Variants in MYLIP observed in about 807,000 individuals in gnomAD.
MYLIP encodes the protein myosin regulatory light chain interacting protein, also known as E3 ubiquitin-protein ligase MYLIP.
MYLIP carries 26 observed loss-of-function variants against 45.8 expected under a neutral mutation model. The ratio of observed to expected loss-of-function variants is 0.57; its 90% CI spans 0.42 to 0.79. The LOEUF (loss-of-function observed/expected upper bound fraction) is 0.79. Ranked by LOEUF, MYLIP falls within the 30% of genes least tolerant of loss-of-function variation. MYLIP has a pLI of 0.00. For synonymous variants in MYLIP, 213 were observed against 218.1 expected (o/e 0.98, Z 0.21); for missense variants, 494 against 555.6 (o/e 0.89, Z 1.11).
In MYLIP at chr6:16,130,681, C is replaced by A; in HGVS notation, c.212C>A (p.Pro71His). 1 of 1,614,188 alleles carries A rather than the reference C, an allele frequency of 6.2e-7. No homozygotes were observed. Among genetic ancestry groups the A allele is most frequent in the Non-Finnish European group, 8.5e-7 (1 of 1,180,044 alleles). Residue 71 changes from proline (P) to histidine (H), a missense_variant, in exon 2 of 7, where the codon CCT becomes CAT. Physicochemically the swap from Pro to His is moderately conservative, Grantham distance 77. Transcript: ENST00000356840. ...TCCCAGCAGATGGATGGGCTAGCCCCTTACAGGCTTAAACTTAGAGTCAAG... is the reference window on the plus strand; with the variant it reads ...TCCCAGCAGATGGATGGGCTAGCCCATTACAGGCTTAAACTTAGAGTCAAG... ...RISQQMDGLA[P>H]YRLKLRVKFF...
chr6:16,152,165 T>C (rs955317945), downstream of MYLIP, among the ~76,000 whole-genome samples: 2 of 152,164 alleles, frequency 1.3e-5, no homozygotes, highest in African/African-American at 4.8e-5. Context: ...AGGACAGAAG[T>C]AGAGCCAGTT....
At chr6:16,144,153 G>A (rs1000219487) in intron 5 of MYLIP, among the ~76,000 whole-genome samples, 1 of 151,894 alleles carries the variant, frequency 6.6e-6, no homozygotes, top group Admixed American at 6.6e-5. Context: ...AGATTTCTAT[G>A]CCTATTTAAT....
intron 2 of MYLIP, 150 bp from the exon 3 acceptor site, chr6:16,141,475 T>C: frequency 1.5e-6 from 1 of 688,932 alleles, no homozygotes; most frequent in Non-Finnish European, 2.3e-6. Flanking sequence ...TTAATACTGA[T>C]GATTTTTTTT....
the MYLIP span, among the ~76,000 whole-genome samples, chr6:16,160,770 C>A: frequency 6.6e-6 from 1 of 152,160 alleles, no homozygotes; most frequent in South Asian, 2.1e-4. Flanking sequence ...CCACTGCACT[C>A]CAGTCTGGGC....
intron 2 of MYLIP, among the ~76,000 whole-genome samples, chr6:16,131,029 G>GAAA (rs11394742): frequency 8.7e-6 from 1 of 115,246 alleles, no homozygotes; most frequent in Non-Finnish European, 1.8e-5. Context: ...GCTACCCCAG[G>GAAA]AAAAAAAAAA....
At chr6:16,139,464 A>C (rs1581604765) in intron 2 of MYLIP, among the ~76,000 whole-genome samples, 1 of 152,204 alleles carries the variant, frequency 6.6e-6, no homozygotes, top group African/African-American at 2.4e-5. Context: ...ATATTCTTCA[A>C]GTCTTTCAGA....
At chr6:16,160,382 G>A in the MYLIP span, among the ~76,000 whole-genome samples, 9 of 152,108 alleles carry the variant, frequency 5.9e-5, no homozygotes, top group African/African-American at 1.9e-4. Flanking sequence ...CTCCTTTAGG[G>A]GAGGCTGAAC....
chr6:16,156,165 T>C, the MYLIP span, among the ~76,000 whole-genome samples: 1 of 152,154 alleles, frequency 6.6e-6, no homozygotes, highest in African/African-American at 2.4e-5. Flanking sequence ...CTGGGGTTTT[T>C]ATGGGCACAA....
chr6:16,141,492 T>C (rs1759671351), intron 2 of MYLIP, 133 bp from the exon 3 acceptor site: 2 of 790,898 alleles, frequency 2.5e-6, no homozygotes, highest in Non-Finnish European at 3.9e-6. Flanking sequence ...TTTTTGAAGT[T>C]CTTTAATGTT....
intron 2 of MYLIP, among the ~76,000 whole-genome samples, chr6:16,133,770 C>T (rs955158568): frequency 6.6e-5 from 10 of 152,170 alleles, no homozygotes; most frequent in Admixed American, 2.6e-4. Flanking sequence ...GACTTAGCCA[C>T]GTTTTAGCAG....
chr6:16,136,233 T>G (rs1327734360), intron 2 of MYLIP, among the ~76,000 whole-genome samples: 1 of 135,372 alleles, frequency 7.4e-6, no homozygotes, highest in Non-Finnish European at 1.6e-5. Flanking sequence ...ACCCCTCCCC[T>G]TCTTTCCCAC....
At chr6:16,154,764 C>T in the MYLIP span, among the ~76,000 whole-genome samples, 1 of 152,154 alleles carries the variant, frequency 6.6e-6, no homozygotes, top group Non-Finnish European at 1.5e-5. Context: ...TTTGATTGCA[C>T]CAGTCAGTCC....
At position 16,143,017 on chromosome 6, in the gene MYLIP, C is replaced by T. The variant is rs374523605; in HGVS notation, c.465-3C>T. 48 of 1,613,040 alleles carry T rather than the reference C, an allele frequency of 3.0e-5. No individual in the cohort carries two copies. In the African/African-American group the frequency reaches 5.5e-4, roughly 18 times the overall value. ...AATTCTCTGTCCTCTTGGTGTCCTC[C>T]AGCATTGTTGCAAAACATAAGGAGT... On this transcript the variant is annotated splice_polypyrimidine_tract_variant and splice_region_variant and intron_variant, in intron 3 of 6. Coordinates refer to ENST00000356840, the MANE Select transcript of MYLIP (RefSeq NM_013262.4).
At chr6:16,134,225 T>G (rs568388430) in intron 2 of MYLIP, among the ~76,000 whole-genome samples, 1 of 152,296 alleles carries the variant, frequency 6.6e-6, no homozygotes, top group African/African-American at 2.4e-5. Context: ...GTCTAATAAG[T>G]GTCTGTTGCA....
rs774377317 is a variant in MYLIP, at chr6:16,145,263, C to T, written c.1194C>T (p.Thr398=). ...MVCCEEEINS[T]FCPCGHTVCC... ...GCTGCGAGGAGGAGATCAACTCCAC[C>T]TTCTGTCCCTGTGGCCACACTGTGT... Residue 398 remains threonine (T), a synonymous_variant, in exon 6 of 7, where the codon ACC becomes ACT. Transcript: ENST00000356840. 5 of 1,611,556 alleles carry T rather than the reference C, an allele frequency of 3.1e-6. No homozygotes were observed. The East Asian group carries it at 6.7e-5, about 22-fold the overall frequency.
chr6:16,147,646 C>G lies in MYLIP; in HGVS notation c.*895C>G, dbSNP rs556503375. 3 of 152,392 alleles carry G rather than the reference C, an allele frequency of 2.0e-5. No homozygotes were observed. The East Asian group carries it at 5.8e-4, about 29-fold the overall frequency. The allele number at this position is 152,392 out of a possible 1,614,324, so 9.4% of individuals were successfully genotyped here. On this transcript the variant is annotated 3_prime_UTR_variant, in exon 7 of 7. Coordinates refer to ENST00000356840, the MANE Select transcript of MYLIP (RefSeq NM_013262.4). ...TAACTCATCACTTCTCCCAAGCACT[C>G]GATCCCAGCTTCACCCACTGGTGTT...
rs189481765 is a variant in MYLIP at position 16,143,140 on chromosome 6, C to T, written c.585C>T (p.Ser195=). The T allele has an allele frequency of 1.3e-5, 21 of 1,614,112 alleles. No homozygotes were observed. The highest frequency in any genetic ancestry group is 2.2e-5 in the East Asian group (1 of 44,880). The change falls in exon 4 of 7, where the codon AGC becomes AGT. Residue 195 remains serine (S), a synonymous_variant. Transcript: ENST00000356840. Reference sequence around the variant, plus strand: ...TAGAATGGCATTCTGTGCGGGATAGCGAAGGGCAGAAACTGCTCATTGGGG... The same window carrying T: ...TAGAATGGCATTCTGTGCGGGATAGTGAAGGGCAGAAACTGCTCATTGGGG... ...YGIEWHSVRD[S]EGQKLLIGVG... is the part of the protein sequence containing the mutation.
chr6:16,129,906 T>A lies in MYLIP; in HGVS notation c.87+497T>A, dbSNP rs947622944. On this transcript the variant is annotated intron_variant, in intron 1 of 6. Coordinates refer to ENST00000356840, the MANE Select transcript of MYLIP (RefSeq NM_013262.4). This position sits in a 1 kb window ranked among gnomAD's most constrained non-coding sequence, Gnocchi z 5.1. Reference sequence around the variant, plus strand: ...CAGGCTGCTGCTCTCAAATGCACCGTTCACCTGCATCTCCGGGTTTGCGGG... The same window carrying A: ...CAGGCTGCTGCTCTCAAATGCACCGATCACCTGCATCTCCGGGTTTGCGGG... 6.6e-6 allele frequency among the ~76,000 whole-genome samples: 1 copy of A among 152,226 alleles called. No homozygotes were observed. The highest frequency in any genetic ancestry group is 1.5e-5 in the Non-Finnish European group (1 of 68,028).
chr6:16,141,433 C>T (rs1240871263), intron 2 of MYLIP, 192 bp from the exon 3 acceptor site: 3 of 448,474 alleles, frequency 6.7e-6, no homozygotes, highest in South Asian at 5.5e-5. Flanking sequence ...ACTTTTATTC[C>T]AGAGAAACGC....
Sources: allele counts gnomAD v4.1 joint callset (sites outside exome capture counted in the v4.1 genomes callset), GRCh38; gene constraint gnomAD v4.1.1; non-coding constraint Gnocchi (gnomAD v3.1); transcripts MANE v1.5; gene names NCBI Gene and HGNC (gene_info 2026-07-23, HGNC 2026-07-21).